Variants in PDE10A observed in about 807,000 individuals in gnomAD.
The protein encoded by PDE10A is cAMP and cAMP-inhibited cGMP 3',5'-cyclic phosphodiesterase 10A.
In PDE10A, 39 loss-of-function variants were observed where a neutral mutation model predicts 97.7. The ratio of observed to expected loss-of-function variants is 0.40; its 90% CI spans 0.31 to 0.52. The LOEUF is 0.52. Ranked by LOEUF, PDE10A falls within the 20% of genes least tolerant of loss-of-function variation. The probability of loss-of-function intolerance (pLI) is 0.56; values close to 1 mark genes in which losing one functional copy is unlikely to be tolerated. For missense variants in PDE10A, 731 were observed against 1,047.8 expected, an observed-to-expected ratio of 0.70 and a Z score of 4.17; for synonymous variants, 371 against 376.8, an observed-to-expected ratio of 0.98 and a Z score of 0.18.
chr6:165,736,605 A>G (rs545941361), intron 1 of PDE10A, among the ~76,000 whole-genome samples: 1 of 152,202 alleles, frequency 6.6e-6, no homozygotes, highest in South Asian at 2.1e-4. Flanking sequence ...TAAAAATCTT[A>G]AGACAGAAAT....
chr6:165,879,088 T>C (rs1394058541), intron 1 of PDE10A, among the ~76,000 whole-genome samples: 2 of 152,142 alleles, frequency 1.3e-5, no homozygotes, highest in African/African-American at 4.8e-5. Flanking sequence ...AATTTGGGGG[T>C]GCAACTGACC....
chr6:165,480,821 A>T (rs1377579221), intron 3 of PDE10A, among the ~76,000 whole-genome samples: 5 of 152,192 alleles, frequency 3.3e-5, no homozygotes, highest in Admixed American at 2.6e-4. Context: ...TTCATAAGGA[A>T]ACTCTGAGTA....
chr6:165,618,389 C>A (rs12198136), intron 1 of PDE10A, among the ~76,000 whole-genome samples: 14,372 of 152,204 alleles, frequency 0.094, 857 homozygotes, highest in Non-Finnish European at 0.13. Flanking sequence ...CCCAAACCGG[C>A]ACATTCAATA....
chr6:165,927,448 G>A (rs1037268842), intron 1 of PDE10A, among the ~76,000 whole-genome samples: 2 of 151,684 alleles, frequency 1.3e-5, no homozygotes, highest in East Asian at 1.9e-4. Context: ...TTTTTAAAAG[G>A]CAGTTTTTTA....
In PDE10A at chr6:165,418,255, C is replaced by T. The variant is rs1226618962; in HGVS notation, c.1796+380G>A. ...ACTGTCTGGACTGCGAGACAGGCCA[C>T]CGGTTGGGAAGAAGTAGGGGCCGAA... On this transcript the variant is annotated intron_variant, in intron 11 of 21. Transcript: ENST00000539869. This position sits in a 1 kb window ranked among gnomAD's most constrained non-coding sequence, Gnocchi z 4.8. 6.6e-6 allele frequency among the ~76,000 whole-genome samples: 1 copy of T among 152,168 alleles called. No individual in the cohort carries two copies. Among genetic ancestry groups the T allele is most frequent in the Non-Finnish European group, 1.5e-5 (1 of 68,032 alleles).
intron 2 of PDE10A, among the ~76,000 whole-genome samples, chr6:165,496,311 C>T (rs1007567317): frequency 1.3e-5 from 2 of 152,252 alleles, no homozygotes; most frequent in African/African-American, 2.4e-5. Context: ...TTTCTCAGAA[C>T]TTTTCTATGC....
chr6:165,821,154 T>C (rs1397926063), intron 1 of PDE10A, among the ~76,000 whole-genome samples: 1 of 152,204 alleles, frequency 6.6e-6, no homozygotes, highest in African/African-American at 2.4e-5. Flanking sequence ...TGGAAGGACA[T>C]GGAGCAGCAG....
intron 1 of PDE10A, among the ~76,000 whole-genome samples, chr6:165,593,128 G>A (rs575588322): frequency 6.6e-6 from 1 of 152,280 alleles, no homozygotes; most frequent in South Asian, 2.1e-4. Flanking sequence ...CATAAAAAAG[G>A]GTGAGTTCAT....
chr6:165,942,969 G>A (rs1784032077), intron 1 of PDE10A, among the ~76,000 whole-genome samples: 1 of 151,702 alleles, frequency 6.6e-6, no homozygotes, highest in Non-Finnish European at 1.5e-5. Context: ...CCAGGTGAAT[G>A]TAATAGGAAG....
chr6:165,716,305 C>T (rs73788762), intron 1 of PDE10A, among the ~76,000 whole-genome samples: 284 of 152,344 alleles, frequency 1.9e-3, no homozygotes, highest in African/African-American at 6.6e-3. Context: ...TCTTCTCTAA[C>T]TCGCCCATGC....
intron 1 of PDE10A, chr6:165,576,562 A>G (rs1785316979): frequency 2.9e-6 from 2 of 695,974 alleles, no homozygotes; most frequent in Non-Finnish European, 2.7e-6. Context: ...AAAACAAAAA[A>G]ATCAAATAAC....
intron 17 of PDE10A, among the ~76,000 whole-genome samples, chr6:165,384,631 AGTGTGTGTGTGTGTGT>A (rs57175607): frequency 6.0e-5 from 4 of 66,956 alleles, no homozygotes; most frequent in Non-Finnish European, 1.2e-4. Flanking sequence ...TGTGTGAGTG[AGTGTGTGTGTGTGTGT>A]GTGTGTGTGT....
chr6:165,668,736 G>C (rs1266627775), intron 1 of PDE10A, among the ~76,000 whole-genome samples: 1 of 128,702 alleles, frequency 7.8e-6, no homozygotes, highest in Non-Finnish European at 1.6e-5. Context: ...GAGAAAGAAA[G>C]AAAAGACAGA....
chr6:165,885,518 G>A (rs1230412987), intron 1 of PDE10A, among the ~76,000 whole-genome samples: 3 of 152,200 alleles, frequency 2.0e-5, no homozygotes, highest in Non-Finnish European at 4.4e-5. Context: ...GTGGAGACAC[G>A]GAGGCAAACC....
intron 1 of PDE10A, among the ~76,000 whole-genome samples, chr6:165,934,765 T>C (rs1562805273): frequency 6.6e-6 from 1 of 151,924 alleles, no homozygotes; most frequent in Non-Finnish European, 1.5e-5. Flanking sequence ...GCTCCCAATG[T>C]GGTTTACACC....
intron 3 of PDE10A, among the ~76,000 whole-genome samples, chr6:165,452,646 C>T (rs1236460938): frequency 6.6e-6 from 1 of 152,138 alleles, no homozygotes; most frequent in Non-Finnish European, 1.5e-5. Flanking sequence ...TCCCAGCCTC[C>T]AAAATTGTAA....
intron 2 of PDE10A, among the ~76,000 whole-genome samples, chr6:165,499,665 A>C (rs1780751071): frequency 6.6e-6 from 1 of 152,204 alleles, no homozygotes; most frequent in Non-Finnish European, 1.5e-5. Flanking sequence ...ATACTTTTAT[A>C]AAAGTCAATT....
intron 1 of PDE10A, among the ~76,000 whole-genome samples, chr6:165,625,729 G>A (rs1382707617): frequency 2.6e-5 from 4 of 151,922 alleles, no homozygotes; most frequent in Admixed American, 2.0e-4. Context: ...TTGCTGCCAT[G>A]TAAGAAGTGC....
At chr6:165,677,348 A>C (rs1459941561) in intron 1 of PDE10A, among the ~76,000 whole-genome samples, 2 of 152,126 alleles carry the variant, frequency 1.3e-5, no homozygotes, top group Non-Finnish European at 2.9e-5. Flanking sequence ...GCTTTTCCAC[A>C]TGCCAGCACA....
Sources: allele counts gnomAD v4.1 joint callset (sites outside exome capture counted in the v4.1 genomes callset), GRCh38; gene constraint gnomAD v4.1.1; non-coding constraint Gnocchi (gnomAD v3.1); transcripts MANE v1.5; gene names NCBI Gene and HGNC (gene_info 2026-07-23, HGNC 2026-07-21).